KIAA1671: variants seen among roughly 807,000 people sequenced by gnomAD.
KIAA1671 encodes the protein uncharacterized protein KIAA1671.
A neutral mutation model predicts 131.2 loss-of-function variants in KIAA1671; 52 were observed. The ratio of observed to expected loss-of-function variants is 0.40; its 90% CI spans 0.32 to 0.50. The LOEUF (loss-of-function observed/expected upper bound fraction) is 0.50, where lower values mean the gene tolerates loss of function less well. Ranked by LOEUF, KIAA1671 falls within the 20% of genes least tolerant of loss-of-function variation. The probability of loss-of-function intolerance (pLI) is 0.73; values close to 1 mark genes in which losing one functional copy is unlikely to be tolerated. For missense variants in KIAA1671, 2,360 were observed against 2,364.2 expected, an observed-to-expected ratio of 1.00 and a Z score of 0.04; for synonymous variants, 1,003 against 961.6, an observed-to-expected ratio of 1.04 and a Z score of -0.80.
Position 25,190,754 on chromosome 22 carries a change from C to T in KIAA1671, c.5395C>T (p.Gln1799Ter). Residue 1799 changes from glutamine to a stop codon, truncating the protein, a stop_gained, in exon 12 of 13, where the codon CAA becomes TAA. Transcript: ENST00000358431. LOFTEE classifies it high-confidence loss of function. Reference sequence around the variant, plus strand: ...AAAGGAATTGAAATCCAAGAAGAGGCAAAGTCTTTATGAGAACCAAGTTTG... The same window carrying T: ...AAAGGAATTGAAATCCAAGAAGAGGTAAAGTCTTTATGAGAACCAAGTTTG... ...WLKELKSKKR[Q>*]SLYENQV 6.4e-7 allele frequency: 1 copy of T among 1,551,758 alleles called. No homozygotes were observed. The highest frequency in any genetic ancestry group is 8.7e-7 in the Non-Finnish European group (1 of 1,146,862).
chr22:25,001,235 A>ATATG (rs1555951934), intron 1 of KIAA1671, among the ~76,000 whole-genome samples: 59,473 of 121,120 alleles, frequency 0.49, 12,052 homozygotes, highest in African/African-American at 0.57. Context: ...ATGTGTGTGT[A>ATATG]TATGTGTGTG....
chr22:24,961,651 C>T (rs917060778), intron 1 of KIAA1671, among the ~76,000 whole-genome samples: 1 of 152,230 alleles, frequency 6.6e-6, no homozygotes, highest in Non-Finnish European at 1.5e-5. Context: ...AGCCTCCGTT[C>T]TGAACTGAGA....
chr22:25,181,207 C>T (rs1463478510), intron 9 of KIAA1671, among the ~76,000 whole-genome samples: 2 of 152,172 alleles, frequency 1.3e-5, no homozygotes, highest in African/African-American at 4.8e-5. Flanking sequence ...ATCAGCTCAG[C>T]CTCAAGCACG....
chr22:25,108,736 A>G (rs1004152972), intron 6 of KIAA1671, among the ~76,000 whole-genome samples: 1 of 152,100 alleles, frequency 6.6e-6, no homozygotes, highest in African/African-American at 2.4e-5. Flanking sequence ...TTTCTCATGG[A>G]CCAGTTACCT....
At chr22:25,036,737 G>A (rs1926618176) in intron 4 of KIAA1671, among the ~76,000 whole-genome samples, 1 of 151,830 alleles carries the variant, frequency 6.6e-6, no homozygotes, top group African/African-American at 2.4e-5. Flanking sequence ...TGACCAACAT[G>A]GAGAAACCCC....
chr22:25,084,448 ACT>A (rs1490037690), intron 6 of KIAA1671, among the ~76,000 whole-genome samples: 1 of 113,698 alleles, frequency 8.8e-6, no homozygotes, highest in Non-Finnish European at 1.7e-5. Context: ...ACAGAGCAAG[ACT>A]CTATCTCAAA....
At chr22:25,046,650 T>A (rs565442893) in intron 5 of KIAA1671, among the ~76,000 whole-genome samples, 6 of 152,326 alleles carry the variant, frequency 3.9e-5, no homozygotes, top group Admixed American at 1.3e-4. Context: ...TCCTTTTTTT[T>A]AAATTCCTTT....
chr22:25,131,222 G>A (rs1332983131), intron 6 of KIAA1671, among the ~76,000 whole-genome samples: 1 of 152,188 alleles, frequency 6.6e-6, no homozygotes, highest in Admixed American at 6.5e-5. Context: ...GCCCTGGAGA[G>A]CTGAGGCCAT....
At chr22:25,112,576 T>C in intron 6 of KIAA1671, 1 of 395,100 alleles carries the variant, frequency 2.5e-6, no homozygotes. Flanking sequence ...TCTTCCAGAA[T>C]AGTTGTCAGT....
intron 6 of KIAA1671, among the ~76,000 whole-genome samples, chr22:25,067,760 A>G (rs1928557638): frequency 6.6e-6 from 1 of 152,170 alleles, no homozygotes; most frequent in Non-Finnish European, 1.5e-5. Flanking sequence ...AACCCTTAGC[A>G]GCCTCCATGC....
At chr22:25,141,592 T>C (rs1330743362) in intron 6 of KIAA1671, among the ~76,000 whole-genome samples, 1 of 152,240 alleles carries the variant, frequency 6.6e-6, no homozygotes, top group Non-Finnish European at 1.5e-5. Context: ...TCTATATTTA[T>C]ATTTTATAGT....
chr22:25,002,711 G>T (rs967194889), intron 1 of KIAA1671, among the ~76,000 whole-genome samples: 13 of 152,152 alleles, frequency 8.5e-5, no homozygotes, highest in Non-Finnish European at 1.3e-4. Flanking sequence ...CCCTCCCTGA[G>T]AAACACTTGG....
intron 1 of KIAA1671, among the ~76,000 whole-genome samples, chr22:24,977,571 A>C (rs1922978308): frequency 6.6e-6 from 1 of 152,204 alleles, no homozygotes; most frequent in African/African-American, 2.4e-5. Flanking sequence ...CACCTCCCCC[A>C]GCCCACCCTG....
chr22:24,977,154 A>G (rs1022816555), intron 1 of KIAA1671, among the ~76,000 whole-genome samples: 2 of 152,196 alleles, frequency 1.3e-5, no homozygotes, highest in Non-Finnish European at 2.9e-5. Context: ...ATTACTGTCA[A>G]TGTGCTAATT....
chr22:25,178,808 G>A (rs1319854696), intron 9 of KIAA1671, among the ~76,000 whole-genome samples: 2 of 151,132 alleles, frequency 1.3e-5, no homozygotes, highest in African/African-American at 2.4e-5. Flanking sequence ...AACAAGCTCC[G>A]GCTGCACACG....
chr22:25,195,038 T>C lies in KIAA1671; in HGVS notation c.*2637T>C, dbSNP rs1934780169. ...AATCTGTCTTCTTTTTAAACTCACT[T>C]AATATGCCTTAATCATCTGTGTGTA... On this transcript the variant is annotated 3_prime_UTR_variant, in exon 13 of 13. Coordinates refer to ENST00000358431, the MANE Select transcript of KIAA1671 (RefSeq NM_001145206.2). 1 of 152,212 alleles carries C rather than the reference T, an allele frequency of 6.6e-6. No homozygotes were observed. Among genetic ancestry groups the C allele is most frequent in the South Asian group, 2.1e-4 (1 of 4,830 alleles). The allele number at this position is 152,212 out of a possible 1,614,324, so 9.4% of individuals were successfully genotyped here.
intron 6 of KIAA1671, among the ~76,000 whole-genome samples, chr22:25,092,049 G>A (rs1022682019): frequency 2.0e-5 from 3 of 152,116 alleles, no homozygotes; most frequent in South Asian, 2.1e-4. Flanking sequence ...CTCTGTGCCC[G>A]ACGCTGTTAT....
chr22:25,068,672 A>G (rs947579076), intron 6 of KIAA1671, among the ~76,000 whole-genome samples: 5 of 152,140 alleles, frequency 3.3e-5, no homozygotes, highest in Admixed American at 1.3e-4. Context: ...TCCTGACCTC[A>G]TGATCTGCCC....
At chr22:25,009,183 G>A (rs185898296) in intron 1 of KIAA1671, among the ~76,000 whole-genome samples, 4 of 150,986 alleles carry the variant, frequency 2.6e-5, no homozygotes, top group Non-Finnish European at 5.9e-5. Context: ...ACCCTTTTAG[G>A]CTTTTCTTGC....
Sources: gnomAD v4.1 joint callset for allele counts (sites outside exome capture counted in the v4.1 genomes callset) on GRCh38, gnomAD v4.1.1 for gene constraint, MANE v1.5 for transcripts, NCBI Gene and HGNC (gene_info 2026-07-23, HGNC 2026-07-21) for gene names.